The following TCP10L variants were observed in gnomAD, a reference collection of about 807,000 sequenced individuals.
TCP10L encodes the protein T-complex protein 10A homolog 1.
In TCP10L, 11 loss-of-function variants were observed where a neutral mutation model predicts 19.2. That is an observed-to-expected ratio of 0.57 (90% CI 0.36 to 0.95). TCP10L has a LOEUF of 0.95. Ranked by LOEUF, TCP10L falls within the 40% of genes least tolerant of loss-of-function variation. TCP10L has a pLI of 0.01. For missense variants in TCP10L, 247 were observed against 263.9 expected (o/e 0.94, Z 0.44); for synonymous variants, 96 against 97.2 (o/e 0.99, Z 0.07).
Position 32,576,032 on chromosome 21 carries a change from T to G in TCP10L, c.*742A>C. ...TGTGTGTGGGGTGGAGGGCTGGGGGTGTTGGCAAGTCTCACAGGTGAGGAC... is the reference window on the plus strand; with the variant it reads ...TGTGTGTGGGGTGGAGGGCTGGGGGGGTTGGCAAGTCTCACAGGTGAGGAC... On this transcript the variant is annotated 3_prime_UTR_variant, in exon 5 of 5. Coordinates refer to ENST00000300258, the MANE Select transcript of TCP10L (RefSeq NM_144659.7). 1 of 381,432 alleles carries G rather than the reference T, an allele frequency of 2.6e-6. No homozygotes were observed. The allele number at this position is 381,432 out of a possible 1,614,324, so 23.6% of individuals were successfully genotyped here.
chr21:32,584,107 G>A, intron 2 of TCP10L, 54 bp downstream of exon 2: 1 of 1,556,750 alleles, frequency 6.4e-7, no homozygotes, highest in Non-Finnish European at 8.7e-7. Context: ...TCAGGGACAG[G>A]AATCAGGGTC....
At chr21:32,579,034 T>C (rs965373731) in intron 3 of TCP10L, among the ~76,000 whole-genome samples, 3 of 152,194 alleles carry the variant, frequency 2.0e-5, no homozygotes, top group Non-Finnish European at 4.4e-5. Flanking sequence ...GTGGAGCCGA[T>C]GTTTGCTTTG....
chr21:32,576,178 G>T lies in TCP10L; in HGVS notation c.*596C>A. 8.3e-7 allele frequency: 1 copy of T among 1,205,164 alleles called. No individual in the cohort carries two copies. Among genetic ancestry groups the T allele is most frequent in the South Asian group, 1.4e-5 (1 of 72,672 alleles). 74.7% of individuals were successfully genotyped at this position (1,205,164 alleles called of 1,614,324 possible). A position where few individuals can be genotyped will look rare whatever the true frequency, so the allele number is the denominator to read the frequency against. Reference sequence around the variant, plus strand: ...ACGAGAAAGCCCCGCATTTCACGGGGAGCATAGAAACAGGAGTCCCCAACT... The same window carrying T: ...ACGAGAAAGCCCCGCATTTCACGGGTAGCATAGAAACAGGAGTCCCCAACT... On this transcript the variant is annotated 3_prime_UTR_variant, in exon 5 of 5. Transcript: ENST00000300258.
chr21:32,579,836 C>T (rs1294757820), intron 3 of TCP10L, among the ~76,000 whole-genome samples: 1 of 152,002 alleles, frequency 6.6e-6, no homozygotes, highest in Admixed American at 6.6e-5. Flanking sequence ...TTGGGTTCTC[C>T]CCACAGAAGG....
At chr21:32,583,588 CAAAAAAAAAA>C (rs771224269) in intron 2 of TCP10L, among the ~76,000 whole-genome samples, 7 of 82,914 alleles carry the variant, frequency 8.4e-5, no homozygotes, top group Non-Finnish European at 1.3e-4. Context: ...GACTCCGTCT[CAAAAAAAAAA>C]AAAAAAAAAA....
Position 32,582,598 on chromosome 21 carries a change from C to T in TCP10L, c.145-183G>A, listed in dbSNP as rs1335168740. Among the ~76,000 whole-genome samples, 1 of 151,990 alleles carries T rather than the reference C, an allele frequency of 6.6e-6. No homozygotes were observed. Among genetic ancestry groups the T allele is most frequent in the Non-Finnish European group, 1.5e-5 (1 of 68,008 alleles). ...TCTTCTTTCTTTCCTTTCTTTCTTT[C>T]TTTTCTTTTCTTTTTTCAGGGTCTC... On this transcript the variant is annotated intron_variant, in intron 2 of 4. Coordinates refer to ENST00000300258, the MANE Select transcript of TCP10L (RefSeq NM_144659.7). The surrounding 1 kb of genome is among the most constrained non-coding windows in gnomAD (Gnocchi z 4.2).
In TCP10L at chr21:32,582,245, C is replaced by A; in HGVS notation, c.315G>T (p.Lys105Asn). ...ALQLQRWKAR[K>N]KSAASPHAGQ... ...CCGCGTGTGGGGACGCTGCAGATTT[C>A]TTCCTGGCTTTCCACCGCTGCAGCT... is the stretch of plus-strand genomic sequence containing the variant. The change falls in exon 3 of 5, where the codon AAG (lysine) becomes AAT (asparagine). Residue 105 changes from lysine to asparagine, a missense_variant. Lys to Asn is a moderately conservative substitution (Grantham distance 94, BLOSUM62 0). Transcript: ENST00000300258. The surrounding 1 kb of genome is among the most constrained non-coding windows in gnomAD (Gnocchi z 4.2). 3 of 1,614,200 alleles carry A rather than the reference C, an allele frequency of 1.9e-6. No homozygotes were observed. The highest frequency in any genetic ancestry group is 1.1e-5 in the South Asian group (1 of 91,068).
rs554410538 is a variant in TCP10L at position 32,578,550 on chromosome 21, C to T, written c.498+144G>A. 33 of 1,241,430 alleles carry T rather than the reference C, an allele frequency of 2.7e-5. No homozygotes were observed. The Admixed American group carries it at 4.2e-4, about 16-fold the overall frequency. 76.9% of individuals were successfully genotyped at this position (1,241,430 alleles called of 1,614,324 possible). A position where few individuals can be genotyped will look rare whatever the true frequency, so the allele number is the denominator to read the frequency against. Reference sequence around the variant, plus strand: ...GGATCTTGTTTGAAAGGCATGTACCCGTGTCCTTGGAAGAACACAGGACTC... The same window carrying T: ...GGATCTTGTTTGAAAGGCATGTACCTGTGTCCTTGGAAGAACACAGGACTC... On this transcript the variant is annotated intron_variant, in intron 4 of 4. Transcript: ENST00000300258. The surrounding 1 kb of genome is among the most constrained non-coding windows in gnomAD (Gnocchi z 4.2).
chr21:32,581,650 C>A (rs1465050180), intron 3 of TCP10L, among the ~76,000 whole-genome samples: 1 of 152,136 alleles, frequency 6.6e-6, no homozygotes, highest in Admixed American at 6.5e-5. Flanking sequence ...CATCGCACAC[C>A]CTGCGAGGGG....
chr21:32,576,086 C>T lies in TCP10L; in HGVS notation c.*688G>A. ...ACGAGGGAATCAGACAAAAAGTGGCCACAAATTAGGCAGCTCCAGGAAGGA... is the reference window on the plus strand; with the variant it reads ...ACGAGGGAATCAGACAAAAAGTGGCTACAAATTAGGCAGCTCCAGGAAGGA... On this transcript the variant is annotated 3_prime_UTR_variant, in exon 5 of 5. Transcript: ENST00000300258. 1.8e-6 allele frequency: 1 copy of T among 563,428 alleles called. No individual in the cohort carries two copies. The highest frequency in any genetic ancestry group is 2.9e-6 in the Non-Finnish European group (1 of 340,886). 34.9% of individuals were successfully genotyped at this position (563,428 alleles called of 1,614,324 possible).
intron 1 of TCP10L, among the ~76,000 whole-genome samples, chr21:32,584,623 TG>T (rs1278678460): frequency 2.6e-5 from 4 of 151,182 alleles, no homozygotes; most frequent in Non-Finnish European, 5.9e-5. Flanking sequence ...CCGGTGTGAG[TG>T]GGATGTGAGT....
intron 3 of TCP10L, among the ~76,000 whole-genome samples, chr21:32,580,113 T>C (rs1343224350): frequency 2.0e-5 from 3 of 152,040 alleles, no homozygotes; most frequent in African/African-American, 7.3e-5. Flanking sequence ...GTTTGTTTGT[T>C]TTGTTTTTTT....
chr21:32,580,528 G>A (rs2038482684), intron 3 of TCP10L, among the ~76,000 whole-genome samples: 1 of 147,020 alleles, frequency 6.8e-6, no homozygotes. Context: ...TGTAATCACT[G>A]TGCTGTATCG....
At chr21:32,581,443 T>C (rs977655895) in intron 3 of TCP10L, among the ~76,000 whole-genome samples, 11 of 152,284 alleles carry the variant, frequency 7.2e-5, no homozygotes, top group African/African-American at 2.6e-4. Flanking sequence ...GAGGGTCTAA[T>C]TGAGCTGATA....
chr21:32,584,101 G>C, intron 2 of TCP10L, 60 bp downstream of exon 2: 1 of 1,549,894 alleles, frequency 6.5e-7, no homozygotes, highest in Non-Finnish European at 8.7e-7. Context: ...CGGGCCTCAG[G>C]GACAGGAATC....
At chr21:32,584,888 A>G (rs2038542898) in intron 1 of TCP10L, among the ~76,000 whole-genome samples, 1 of 152,138 alleles carries the variant, frequency 6.6e-6, no homozygotes, top group Admixed American at 6.5e-5. Flanking sequence ...CATGGTGAAG[A>G]TGTGGAAAGG....
chr21:32,584,306 C>T lies in TCP10L; in HGVS notation c.-1-1G>A. 2.5e-6 allele frequency: 4 copies of T among 1,613,124 alleles called. No individual in the cohort carries two copies. Among genetic ancestry groups the T allele is most frequent in the Non-Finnish European group, 3.4e-6 (4 of 1,179,490 alleles). On this transcript the variant is annotated splice_acceptor_variant, in intron 1 of 4. Transcript: ENST00000300258. LOFTEE classifies it low-confidence loss of function (5UTR_SPLICE). The stretch of plus-strand genomic sequence containing the variant: ...GGCCTCGAGTTGACCTGCCAGCATC[C>T]TGGTTGGGAAGGGAAGGGCTATGGG...
intron 3 of TCP10L, among the ~76,000 whole-genome samples, chr21:32,581,760 G>A (rs939278617): frequency 6.6e-6 from 1 of 152,180 alleles, no homozygotes; most frequent in Admixed American, 6.5e-5. Context: ...GCTGGCTCTG[G>A]AGTCACCCTG....
intron 3 of TCP10L, among the ~76,000 whole-genome samples, chr21:32,580,776 C>G (rs971877517): frequency 1.3e-5 from 2 of 152,184 alleles, no homozygotes; most frequent in African/African-American, 2.4e-5. Flanking sequence ...CATTCACACT[C>G]TCTTAGGCTG....
Sources: gnomAD v4.1 joint callset for allele counts (sites outside exome capture counted in the v4.1 genomes callset) on GRCh38, gnomAD v4.1.1 for gene constraint, Gnocchi (gnomAD v3.1) non-coding constraint, MANE v1.5 for transcripts, NCBI Gene and HGNC (gene_info 2026-07-23, HGNC 2026-07-21) for gene names.